CABLES1: variants seen among roughly 807,000 people sequenced by gnomAD.
CABLES1 encodes the protein CDK5 and ABL1 enzyme substrate 1.
CABLES1 carries 36 observed loss-of-function variants against 57.8 expected under a neutral mutation model. The observed-to-expected ratio is 0.62, with a 90% confidence interval of 0.48 to 0.82. CABLES1 has a LOEUF of 0.82. Ranked by LOEUF, CABLES1 falls within the 40% of genes least tolerant of loss-of-function variation. The pLI is 0.00. For synonymous variants in CABLES1, 374 were observed against 363.0 expected, an observed-to-expected ratio of 1.03 and a Z score of -0.35; for missense variants, 767 against 836.6, an observed-to-expected ratio of 0.92 and a Z score of 1.03.
chr18:23,231,012 T>C (rs2047563799), intron 4 of CABLES1, among the ~76,000 whole-genome samples: 1 of 150,674 alleles, frequency 6.6e-6, no homozygotes, highest in Admixed American at 7.1e-5. Context: ...TCCCATTTGA[T>C]CATGGACCCC....
intron 1 of CABLES1, among the ~76,000 whole-genome samples, chr18:23,149,408 A>G (rs1197559814): frequency 6.6e-6 from 1 of 151,950 alleles, no homozygotes; most frequent in Admixed American, 6.6e-5. Flanking sequence ...CAGCCTCCTC[A>G]GTACTTGGGA....
chr18:23,215,863 C>T (rs2047438085), intron 4 of CABLES1, among the ~76,000 whole-genome samples: 1 of 151,966 alleles, frequency 6.6e-6, no homozygotes, highest in Admixed American at 6.5e-5. Flanking sequence ...ACGCCATTCT[C>T]CTGTCTCTGC....
chr18:23,231,416 G>A (rs1003490207), intron 4 of CABLES1, among the ~76,000 whole-genome samples: 4 of 152,232 alleles, frequency 2.6e-5, no homozygotes, highest in Non-Finnish European at 4.4e-5. Context: ...AAGTTCTGTT[G>A]CGTGGCACTG....
rs749141463 is a variant in CABLES1, at chr18:23,234,721, G to A, written c.1185+17G>A. 2.6e-5 allele frequency: 41 copies of A among 1,600,496 alleles called. No individual in the cohort carries two copies. Among genetic ancestry groups the A allele is most frequent in the Non-Finnish European group, 3.3e-5 (39 of 1,169,202 alleles). ...GATGGGAAGGTAAGGCTGCCAGGCT[G>A]CCAGTCACCAAGTTGTGCTGAAGGC... On this transcript the variant is annotated intron_variant, in intron 5 of 9. Transcript: ENST00000256925.
intron 3 of CABLES1, among the ~76,000 whole-genome samples, chr18:23,205,143 C>T (rs1030640940): frequency 1.3e-5 from 2 of 148,752 alleles, no homozygotes; most frequent in Non-Finnish European, 3.0e-5. Flanking sequence ...TCTGGCTGAG[C>T]AGGAGGGGAG....
rs1209331495 is a variant in CABLES1 at position 23,258,508 on chromosome 18, CCTGGCTTA to C, written c.*1146_*1153del. ...ATGCAAGATTTTAATGGTGACTTGT[CCTGGCTTA>C]CTGGGACAGTCTGTATGAGGCATGT... On this transcript the variant is annotated 3_prime_UTR_variant, in exon 10 of 10. Coordinates refer to ENST00000256925, the MANE Select transcript of CABLES1 (RefSeq NM_001100619.3). The C allele has an allele frequency of 6.6e-6, 1 of 152,138 alleles. No homozygotes were observed. Among genetic ancestry groups the C allele is most frequent in the Non-Finnish European group, 1.5e-5 (1 of 68,048 alleles). The allele number at this position is 152,138 out of a possible 1,614,324, so 9.4% of individuals were successfully genotyped here.
At chr18:23,199,373 T>C (rs1276246665) in intron 3 of CABLES1, among the ~76,000 whole-genome samples, 1 of 152,006 alleles carries the variant, frequency 6.6e-6, no homozygotes, top group Non-Finnish European at 1.5e-5. Context: ...CCCAGAAGAA[T>C]TGAAATAGGT....
At chr18:23,164,415 C>T (rs1439007214) in intron 1 of CABLES1, among the ~76,000 whole-genome samples, 1 of 151,650 alleles carries the variant, frequency 6.6e-6, no homozygotes, top group Admixed American at 6.6e-5. Flanking sequence ...AGTGTAGGGC[C>T]ACGTATAGGC....
intron 9 of CABLES1, chr18:23,257,015 G>A (rs991129357): frequency 4.2e-5 from 24 of 572,554 alleles, no homozygotes; most frequent in African/African-American, 7.6e-5. Flanking sequence ...GTGTGGTTCC[G>A]GGCAGCCCCT....
rs1343148464 is a variant in CABLES1, at chr18:23,139,128, G to GT, written c.845+2522dup. On this transcript the variant is annotated intron_variant, in intron 1 of 9. Coordinates refer to ENST00000256925, the MANE Select transcript of CABLES1 (RefSeq NM_001100619.3). The stretch of plus-strand genomic sequence containing the variant: ...AAATTAGAATGTCGGGCCGGGTGTG[G>GT]TGGTGGCTCACGGCTATAATCCCAG... 2.0e-5 allele frequency among the ~76,000 whole-genome samples: 3 copies of GT among 152,128 alleles called. No individual in the cohort carries two copies. In the East Asian group the frequency reaches 5.8e-4, roughly 29 times the overall value.
chr18:23,234,739 C>CCTTCAGCACAACT, intron 5 of CABLES1, 35 bp downstream of exon 5: 1 of 1,552,982 alleles, frequency 6.4e-7, no homozygotes, highest in Non-Finnish European at 8.9e-7. Flanking sequence ...CCAAGTTGTG[C>CCTTCAGCACAACT]TGAAGGCACA....
At chr18:23,217,159 G>A (rs936608425) in intron 4 of CABLES1, among the ~76,000 whole-genome samples, 5 of 152,104 alleles carry the variant, frequency 3.3e-5, no homozygotes, top group African/African-American at 1.2e-4. Context: ...ATGGCTCGCT[G>A]CAGTCTCGAA....
rs1203895103 is a variant in CABLES1 at position 23,257,534 on chromosome 18, G to T, written c.*167G>T. 1 of 708,820 alleles carries T rather than the reference G, an allele frequency of 1.4e-6. No homozygotes were observed. 43.9% of individuals were successfully genotyped at this position (708,820 alleles called of 1,614,324 possible). On this transcript the variant is annotated 3_prime_UTR_variant, in exon 10 of 10. Transcript: ENST00000256925. ...AGAAACTTTCCAAGGAGTCTTGGGT[G>T]TGTAGCCAAGAGGAGCCATGAGCTA... is the stretch of plus-strand genomic sequence containing the variant.
intron 1 of CABLES1, among the ~76,000 whole-genome samples, chr18:23,157,772 G>T (rs560450594): frequency 6.6e-6 from 1 of 152,232 alleles, no homozygotes; most frequent in East Asian, 1.9e-4. Flanking sequence ...GAAAGCTGAG[G>T]TGGGAGGATC....
At chr18:23,161,320 G>A (rs908821478) in intron 1 of CABLES1, among the ~76,000 whole-genome samples, 2 of 152,032 alleles carry the variant, frequency 1.3e-5, no homozygotes, top group African/African-American at 4.8e-5. Flanking sequence ...CTTTACTGGT[G>A]TTTTGTGGGT....
At chr18:23,143,311 C>T (rs2046868981) in intron 1 of CABLES1, among the ~76,000 whole-genome samples, 1 of 152,156 alleles carries the variant, frequency 6.6e-6, no homozygotes, top group African/African-American at 2.4e-5. Context: ...CAGCTGAATC[C>T]CTGACACCTT....
chr18:23,218,445 C>T (rs1339710154), intron 4 of CABLES1, among the ~76,000 whole-genome samples: 5 of 97,758 alleles, frequency 5.1e-5, no homozygotes, highest in Admixed American at 2.1e-4. Flanking sequence ...CTTGCCCTGC[C>T]TCCCGCATCC....
intron 1 of CABLES1, among the ~76,000 whole-genome samples, chr18:23,162,480 T>C (rs373042346): frequency 6.6e-6 from 1 of 152,314 alleles, no homozygotes; most frequent in East Asian, 1.9e-4. Flanking sequence ...TTATCAAGCA[T>C]ACACCATGTG....
intron 4 of CABLES1, among the ~76,000 whole-genome samples, chr18:23,218,780 A>C (rs2047463672): frequency 6.6e-6 from 1 of 152,256 alleles, no homozygotes; most frequent in Non-Finnish European, 1.5e-5. Context: ...GACCAACCTT[A>C]GGAGGGCTTT....
Sources: allele counts gnomAD v4.1 joint callset (sites outside exome capture counted in the v4.1 genomes callset), GRCh38; gene constraint gnomAD v4.1.1; transcripts MANE v1.5; gene names NCBI Gene and HGNC (gene_info 2026-07-23, HGNC 2026-07-21).